MXRA7: variants seen among roughly 807,000 people sequenced by gnomAD.
MXRA7 encodes the protein matrix remodeling associated 7.
Under a neutral mutation model 17.4 loss-of-function variants are expected in MXRA7, and 18 were observed. That is an observed-to-expected ratio of 1.03 (90% CI 0.71 to 1.53). The LOEUF (loss-of-function observed/expected upper bound fraction) is 1.53. Among genes scored for constraint, MXRA7 ranks in the 40% most tolerant of loss-of-function variants. The pLI is 0.00. For missense variants in MXRA7, 141 were observed against 209.3 expected (o/e 0.67, Z 2.01); for synonymous variants, 70 against 101.7 (o/e 0.69, Z 1.87).
exon 4 of MXRA7, chr17:76,673,962 T>C (rs1210185542): frequency 1.3e-5 from 2 of 152,314 alleles, no homozygotes; most frequent in African/African-American, 2.4e-5. Flanking sequence ...GAACTGCAGA[T>C]ACTGATGAGT....
chr17:76,685,289 A>C, intron 2 of MXRA7, 124 bp from the exon 3 acceptor site: 3 of 705,464 alleles, frequency 4.3e-6, no homozygotes, highest in Non-Finnish European at 5.1e-6. Flanking sequence ...GCTATCAGAG[A>C]CATCTCACCC....
At chr17:76,688,387 C>G in intron 1 of MXRA7, 1 of 1,432,036 alleles carries the variant, frequency 7.0e-7, no homozygotes. Context: ...AAATGCTGAG[C>G]TGAGGCGTGT....
At chr17:76,678,584 TC>T (rs1160206917), downstream of MXRA7, among the ~76,000 whole-genome samples, 8 of 152,166 alleles carry the variant, frequency 5.3e-5, no homozygotes, top group African/African-American at 1.4e-4. Flanking sequence ...TTTCTGCAGT[TC>T]CTGCCCCCCA....
At chr17:76,693,389 T>C (rs1598351078) in intron 1 of MXRA7, among the ~76,000 whole-genome samples, 1 of 143,612 alleles carries the variant, frequency 7.0e-6, no homozygotes, top group African/African-American at 2.6e-5. Flanking sequence ...CGTTGGACCC[T>C]GGGAGGCGGA....
chr17:76,703,833 G>C (rs1451645419), intron 1 of MXRA7: 2 of 151,958 alleles, frequency 1.3e-5, no homozygotes, highest in East Asian at 3.9e-4. Context: ...GCAATTCAGA[G>C]GCAACATTTG....
At chr17:76,692,387 G>T (rs2076486749) in intron 1 of MXRA7, among the ~76,000 whole-genome samples, 1 of 151,908 alleles carries the variant, frequency 6.6e-6, no homozygotes, top group Non-Finnish European at 1.5e-5. Flanking sequence ...CCGAGTAGCT[G>T]GGACTATGGG....
At chr17:76,674,627 T>C (rs1282257774), downstream of MXRA7, 1 of 152,298 alleles carries the variant, frequency 6.6e-6, no homozygotes, top group Non-Finnish European at 1.5e-5. Flanking sequence ...CCAACACCCA[T>C]GCTCCCTTTT....
At chr17:76,694,995 T>TA (rs1285306604) in intron 1 of MXRA7, among the ~76,000 whole-genome samples, 2 of 151,814 alleles carry the variant, frequency 1.3e-5, no homozygotes, top group Non-Finnish European at 2.9e-5. Context: ...CTGGGTCTAC[T>TA]AAAAAATAAA....
At chr17:76,690,047 G>A (rs1439169733) in intron 1 of MXRA7, 1 of 151,790 alleles carries the variant, frequency 6.6e-6, no homozygotes, top group African/African-American at 2.4e-5. Flanking sequence ...GCGTTGATAG[G>A]TGCTGACATG....
At chr17:76,694,740 G>A (rs145392073) in intron 1 of MXRA7, among the ~76,000 whole-genome samples, 6 of 152,206 alleles carry the variant, frequency 3.9e-5, no homozygotes, top group Non-Finnish European at 7.4e-5. Context: ...CATGGGCCAC[G>A]AGGCTTGGCT....
chr17:76,682,063 C>T (rs1230522026), intron 3 of MXRA7, among the ~76,000 whole-genome samples: 2 of 152,204 alleles, frequency 1.3e-5, no homozygotes, highest in Non-Finnish European at 2.9e-5. Context: ...CGCTTTCTGG[C>T]CCCAGGCGGA....
chr17:76,693,587 TGTA>T (rs2076501264), intron 1 of MXRA7, among the ~76,000 whole-genome samples: 2 of 151,982 alleles, frequency 1.3e-5, no homozygotes, highest in Non-Finnish European at 2.9e-5. Flanking sequence ...GGCTCACGCC[TGTA>T]ATCCCAGCAC....
At chr17:76,687,331 G>C (rs2076410702) in intron 2 of MXRA7, among the ~76,000 whole-genome samples, 1 of 152,216 alleles carries the variant, frequency 6.6e-6, no homozygotes, top group South Asian at 2.1e-4. Context: ...CTACATTCCT[G>C]AAACCTTCTC....
rs116480875 is a variant in MXRA7, at chr17:76,688,271, G to A, written c.343-95C>T. 2,818 of 1,562,528 alleles carry A rather than the reference G, an allele frequency of 1.8e-3. 44 individuals carry two copies. In the African/African-American group the frequency reaches 0.033, roughly 18 times the overall value. ...GGTAGGGGAGACAGAGGAGGCCCTC[G>A]AAGGTCCAGCCTGCCCACGCCCTGT... is the stretch of plus-strand genomic sequence containing the variant. On this transcript the variant is annotated intron_variant, in intron 1 of 3. Transcript: ENST00000449428.
At chr17:76,704,766 A>T (rs1282720041) in intron 1 of MXRA7, among the ~76,000 whole-genome samples, 1 of 136,780 alleles carries the variant, frequency 7.3e-6, no homozygotes, top group Non-Finnish European at 1.5e-5. Flanking sequence ...GGGCGACAAG[A>T]GCAAAACTCC....
intron 1 of MXRA7, among the ~76,000 whole-genome samples, chr17:76,696,988 C>A (rs1022396022): frequency 6.6e-6 from 1 of 152,180 alleles, no homozygotes; most frequent in South Asian, 2.1e-4. Context: ...ATCATCACCG[C>A]GGAGTTCCTG....
chr17:76,710,292 C>T (rs1163446001), intron 1 of MXRA7, among the ~76,000 whole-genome samples: 1 of 152,164 alleles, frequency 6.6e-6, no homozygotes, highest in African/African-American at 2.4e-5. Context: ...AGCCCTGGTC[C>T]CGAGGCCTGG....
chr17:76,673,568 A>AGCT (rs1389121791), exon 4 of MXRA7: 1 of 152,236 alleles, frequency 6.6e-6, no homozygotes, highest in Non-Finnish European at 1.5e-5. Flanking sequence ...AGGCCCAGAG[A>AGCT]GCTGCCCAGT....
At chr17:76,674,262 T>G (rs1024821409) in exon 4 of MXRA7, 1 of 152,132 alleles carries the variant, frequency 6.6e-6, no homozygotes, top group African/African-American at 2.4e-5. Flanking sequence ...TCTCGGTGTT[T>G]GCGCTCTTTC....
Sources: gnomAD v4.1 joint callset for allele counts (sites outside exome capture counted in the v4.1 genomes callset) on GRCh38, gnomAD v4.1.1 for gene constraint, MANE v1.5 for transcripts, NCBI Gene and HGNC (gene_info 2026-07-23, HGNC 2026-07-21) for gene names.